The following BEND3 variants were observed in gnomAD, a reference collection of about 807,000 sequenced individuals.
BEND3 encodes BEN domain containing 3.
BEND3 carries 13 observed loss-of-function variants against 60.1 expected under a neutral mutation model. That is an observed-to-expected ratio of 0.22 (90% CI 0.14 to 0.34). The LOEUF (loss-of-function observed/expected upper bound fraction) is 0.34, where lower values mean the gene tolerates loss of function less well. Ranked by LOEUF, BEND3 falls within the 10% of genes least tolerant of loss-of-function variation. The pLI is 1.00. For missense variants in BEND3, 896 were observed against 1,138.1 expected (o/e 0.79, Z 3.06); for synonymous variants, 497 against 491.5 (o/e 1.01, Z -0.15).
In BEND3 at chr6:107,068,929, G is replaced by C. The variant is rs375018441; in HGVS notation, c.2262C>G (p.Ala754=). 1.9e-6 allele frequency: 3 copies of C among 1,613,992 alleles called. No homozygotes were observed. The highest frequency in any genetic ancestry group is 3.3e-5 in the Admixed American group (2 of 60,028). ...LVRLFPELFT[A]ENLRLQYNHS... ...GGTTGTACTGCAGCCGGAGGTTCTCGGCGGTGAAGAGTTCGGGAAACAGGC... is the reference window on the plus strand; with the variant it reads ...GGTTGTACTGCAGCCGGAGGTTCTCCGCGGTGAAGAGTTCGGGAAACAGGC... The change falls in exon 4 of 4, where the codon GCC becomes GCG. Residue 754 remains alanine (A), a synonymous_variant. Coordinates refer to ENST00000369042, the MANE Select transcript of BEND3 (RefSeq NM_001367314.1). This position sits in a 1 kb window ranked among gnomAD's most constrained non-coding sequence, Gnocchi z 5.8.
At chr6:107,087,118 G>C (rs187964663) in intron 3 of BEND3, among the ~76,000 whole-genome samples, 5 of 151,682 alleles carry the variant, frequency 3.3e-5, no homozygotes, top group African/African-American at 2.4e-5. Flanking sequence ...GACCACTTGA[G>C]GTCAGGAATT....
intron 3 of BEND3, among the ~76,000 whole-genome samples, chr6:107,091,969 A>T (rs1339755155): frequency 1.3e-5 from 2 of 152,196 alleles, no homozygotes; most frequent in African/African-American, 4.8e-5. Flanking sequence ...CATTAAAAAA[A>T]ACTGAGGCCA....
intron 1 of BEND3, among the ~76,000 whole-genome samples, chr6:107,103,127 C>A (rs1469646789): frequency 6.6e-6 from 1 of 152,168 alleles, no homozygotes; most frequent in Non-Finnish European, 1.5e-5. Context: ...CTGCTCCGTG[C>A]GTAGAAACAG....
chr6:107,113,449 A>C (rs1355167055), intron 1 of BEND3, among the ~76,000 whole-genome samples: 21 of 143,496 alleles, frequency 1.5e-4, no homozygotes, highest in Non-Finnish European at 2.0e-4. Flanking sequence ...AAAAAAAAAA[A>C]AAAACAAAAA....
chr6:107,097,658 C>T (rs748180808), intron 3 of BEND3, among the ~76,000 whole-genome samples: 2 of 150,960 alleles, frequency 1.3e-5, no homozygotes, highest in African/African-American at 2.4e-5. Flanking sequence ...GGCATGGTGG[C>T]GCATGCCTGT....
intron 1 of BEND3, chr6:107,105,938 G>A (rs1775804241): frequency 6.6e-6 from 1 of 152,346 alleles, no homozygotes; most frequent in African/African-American, 2.4e-5. Context: ...GAACAGGAAT[G>A]TGATTGGAAC....
chr6:107,087,855 C>T (rs311217), intron 3 of BEND3, among the ~76,000 whole-genome samples: 44,143 of 136,472 alleles, frequency 0.32, 7,105 homozygotes, highest in Admixed American at 0.41. Flanking sequence ...TGGTCTTAAA[C>T]TCTGGGCTCA....
rs1037676724 is a variant in BEND3 at position 107,094,057 on chromosome 6, A to C, written c.240+4494T>G. Among the ~76,000 whole-genome samples the C allele has an allele frequency of 1.5e-4, 23 of 152,246 alleles. 1 individual carries two copies. Among genetic ancestry groups the C allele is most frequent in the Admixed American group, 1.5e-3 (23 of 15,276 alleles). On this transcript the variant is annotated intron_variant, in intron 3 of 3. Coordinates refer to ENST00000369042, the MANE Select transcript of BEND3 (RefSeq NM_001367314.1). ...ATATGAAGAACTCTTAAAATTCAAC[A>C]ATAAAAACAAAACCCAATTTTAAAA...
chr6:107,089,211 CA>C (rs536395603), intron 3 of BEND3, among the ~76,000 whole-genome samples: 9 of 151,608 alleles, frequency 5.9e-5, no homozygotes, highest in East Asian at 3.9e-4. Context: ...GAAGAAGACA[CA>C]AAAAAAGGAA....
rs186327156 is a variant in BEND3 at position 107,086,487 on chromosome 6, C to T, written c.240+12064G>A. Among the ~76,000 whole-genome samples the T allele has an allele frequency of 9.1e-3, 1,387 of 151,654 alleles. 9 individuals are homozygous for T. Among genetic ancestry groups the T allele is most frequent in the Non-Finnish European group, 0.015 (999 of 67,888 alleles). The stretch of plus-strand genomic sequence containing the variant: ...ACAATTAGCCGTGCATGGTGGCGTG[C>T]GCCTGTAGTCCCAGCTACTTGGGAG... On this transcript the variant is annotated intron_variant, in intron 3 of 3. Coordinates refer to ENST00000369042, the MANE Select transcript of BEND3 (RefSeq NM_001367314.1).
chr6:107,072,430 T>G (rs532872353), intron 3 of BEND3, among the ~76,000 whole-genome samples: 1 of 152,302 alleles, frequency 6.6e-6, no homozygotes, highest in South Asian at 2.1e-4. Context: ...GTGTTTGCTC[T>G]CAGTTTATCT....
intron 3 of BEND3, among the ~76,000 whole-genome samples, chr6:107,088,281 C>A (rs763382648): frequency 2.0e-5 from 3 of 151,850 alleles, no homozygotes; most frequent in Admixed American, 1.3e-4. Context: ...AACAGAAAAG[C>A]AACAAGAAAA....
rs1411971795 is a variant in BEND3 at position 107,074,188 on chromosome 6, G to A, written c.241-3238C>T. On this transcript the variant is annotated intron_variant, in intron 3 of 3. Transcript: ENST00000369042. Reference sequence around the variant, plus strand: ...CCCAGCACTTTGGGAGGCCGAGGCGGGTGGATCACTTGAGGTCAGGAGTTC... The same window carrying A: ...CCCAGCACTTTGGGAGGCCGAGGCGAGTGGATCACTTGAGGTCAGGAGTTC... 9.2e-5 allele frequency among the ~76,000 whole-genome samples: 14 copies of A among 152,182 alleles called. No homozygotes were observed. The East Asian group carries it at 1.9e-3, about 21-fold the overall frequency.
chr6:107,112,394 C>G (rs1369114969), intron 1 of BEND3, among the ~76,000 whole-genome samples: 4 of 152,152 alleles, frequency 2.6e-5, no homozygotes, highest in African/African-American at 4.8e-5. Flanking sequence ...GAAAATGTGT[C>G]AATATGGCAC....
chr6:107,114,324 T>A (rs1554238957), intron 1 of BEND3: 1 of 151,818 alleles, frequency 6.6e-6, no homozygotes, highest in African/African-American at 2.4e-5. Flanking sequence ...CCAGCCCGGG[T>A]GCACACCCAA....
At chr6:107,085,274 A>T (rs1339198024) in intron 3 of BEND3, among the ~76,000 whole-genome samples, 1 of 152,188 alleles carries the variant, frequency 6.6e-6, no homozygotes, top group Non-Finnish European at 1.5e-5. Flanking sequence ...ACTCACTGTG[A>T]GGGTCCACGG....
At chr6:107,081,305 C>T (rs371778979) in intron 3 of BEND3, among the ~76,000 whole-genome samples, 11 of 151,756 alleles carry the variant, frequency 7.2e-5, no homozygotes, top group African/African-American at 2.2e-4. Context: ...ACTACAACCT[C>T]CACCTCCCAG....
At chr6:107,074,535 C>G (rs1234608342) in intron 3 of BEND3, among the ~76,000 whole-genome samples, 2 of 152,138 alleles carry the variant, frequency 1.3e-5, no homozygotes, top group African/African-American at 4.8e-5. Flanking sequence ...TAATGACACT[C>G]TCAAGTACAC....
Position 107,069,228 on chromosome 6 carries a change from G to C in BEND3, c.1963C>G (p.Gln655Glu). ...GGCACGTGGACCTTGCGCTGCTGCT[G>C]GTAGGAGCGCCTTTGCTCCGTGTCC... is the stretch of plus-strand genomic sequence containing the variant. ...RRDTEQRRSY[Q>E]QQRKVHVPGP... The change falls in exon 4 of 4, where the codon CAG becomes GAG. Residue 655 changes from glutamine (Q) to glutamate (E), a missense_variant. Physicochemically the swap from Gln to Glu is conservative, Grantham distance 29. This residue lies in a region of BEND3 where 846 missense variants were observed against 1,036.7 expected (regional missense o/e 0.82). Transcript: ENST00000369042. 1 of 1,612,114 alleles carries C rather than the reference G, an allele frequency of 6.2e-7. No homozygotes were observed.
Sources: gnomAD v4.1 joint callset for allele counts (sites outside exome capture counted in the v4.1 genomes callset) on GRCh38, gnomAD v4.1.1 for gene constraint, gnomAD v4.1.1 regional missense constraint, Gnocchi (gnomAD v3.1) non-coding constraint, MANE v1.5 for transcripts, NCBI Gene and HGNC (gene_info 2026-07-23, HGNC 2026-07-21) for gene names.